Variants in TUT7 observed in about 807,000 individuals in gnomAD.
TUT7 encodes the protein terminal uridylyltransferase 7.
Under a neutral mutation model 165.9 loss-of-function variants are expected in TUT7, and 33 were observed. The observed-to-expected ratio is 0.20, with a 90% CI of 0.15 to 0.27. The LOEUF is 0.27. TUT7 is among the 10% of genes least tolerant of loss of function. The probability of loss-of-function intolerance (pLI) is 1.00; values close to 1 mark genes in which losing one functional copy is unlikely to be tolerated. For synonymous variants in TUT7, 552 were observed against 608.1 expected (o/e 0.91, Z 1.36); for missense variants, 1,338 against 1,762.3 (o/e 0.76, Z 4.31).
chr9:86,331,449 T>G (rs1013101765), intron 10 of TUT7, among the ~76,000 whole-genome samples: 15 of 152,234 alleles, frequency 9.9e-5, no homozygotes, highest in Non-Finnish European at 1.5e-5. Flanking sequence ...TGATGAAGGC[T>G]GTTAAAATCT....
intron 2 of TUT7, among the ~76,000 whole-genome samples, chr9:86,347,603 A>C (rs1024008261): frequency 6.6e-6 from 1 of 152,220 alleles, no homozygotes; most frequent in Admixed American, 6.5e-5. Flanking sequence ...AGCAGCAAGC[A>C]TTGTGCTAAA....
chr9:86,337,027 A>G (rs1486502210), intron 10 of TUT7: 1 of 158,862 alleles, frequency 6.3e-6, no homozygotes, highest in Non-Finnish European at 1.4e-5. Flanking sequence ...AGTAAGTTAC[A>G]GTGAACCAAA....
intron 18 of TUT7, 41 bp from the exon 19 acceptor site, chr9:86,310,058 T>G (rs759676319): frequency 2.0e-6 from 3 of 1,501,668 alleles, no homozygotes; most frequent in Admixed American, 2.0e-5. Flanking sequence ...AACAATGAAG[T>G]GTAAAGGGTC....
intron 22 of TUT7, among the ~76,000 whole-genome samples, chr9:86,306,781 A>G (rs1261640848): frequency 1.3e-5 from 2 of 152,180 alleles, no homozygotes; most frequent in African/African-American, 2.4e-5. Flanking sequence ...CCTGGGCGAG[A>G]CAGTGAGACT....
At chr9:86,314,196 G>A (rs1040718320) in intron 17 of TUT7, among the ~76,000 whole-genome samples, 4 of 152,056 alleles carry the variant, frequency 2.6e-5, no homozygotes, top group Non-Finnish European at 5.9e-5. Context: ...TTGCTATCTC[G>A]CCTCTAAATT....
chr9:86,352,527 C>G, intron 2 of TUT7, 153 bp downstream of exon 2: 1 of 869,082 alleles, frequency 1.2e-6, no homozygotes, highest in Non-Finnish European at 1.8e-6. Context: ...TGATTACTAT[C>G]CTTAAAATAA....
At chr9:86,318,900 T>C in intron 16 of TUT7, 58 bp downstream of exon 16, 1 of 1,377,806 alleles carries the variant, frequency 7.3e-7, no homozygotes, top group Non-Finnish European at 1.0e-6. Flanking sequence ...GTAATGCCAG[T>C]CTAGATTGGT....
chr9:86,292,467 T>TC (rs1255124492), intron 26 of TUT7, among the ~76,000 whole-genome samples: 2 of 136,386 alleles, frequency 1.5e-5, no homozygotes, highest in African/African-American at 5.7e-5. Flanking sequence ...AGACTTTGTC[T>TC]CAAAAAAAAA....
At chr9:86,303,060 AC>A in intron 25 of TUT7, 25 bp downstream of exon 25, 3 of 1,183,738 alleles carry the variant, frequency 2.5e-6, no homozygotes, top group Non-Finnish European at 3.6e-6. Flanking sequence ...TAAAAACACA[AC>A]CAACCCCTTT....
At chr9:86,306,363 C>T (rs1208715233) in intron 22 of TUT7, among the ~76,000 whole-genome samples, 1 of 152,176 alleles carries the variant, frequency 6.6e-6, no homozygotes, top group Non-Finnish European at 1.5e-5. Flanking sequence ...CTTCCTTCAG[C>T]TCAACCCTGC....
intron 22 of TUT7, among the ~76,000 whole-genome samples, chr9:86,308,173 C>A (rs970477910): frequency 6.6e-6 from 1 of 152,150 alleles, no homozygotes; most frequent in African/African-American, 2.4e-5. Context: ...TTTCTTGAAG[C>A]TGCCTTATCA....
intron 22 of TUT7, among the ~76,000 whole-genome samples, chr9:86,306,439 T>C (rs1406309858): frequency 1.3e-5 from 2 of 152,246 alleles, no homozygotes; most frequent in Non-Finnish European, 2.9e-5. Flanking sequence ...GTGATTTTTA[T>C]ATGTGTATGT....
intron 26 of TUT7, among the ~76,000 whole-genome samples, chr9:86,298,500 A>G (rs1196518059): frequency 1.3e-5 from 2 of 152,232 alleles, no homozygotes; most frequent in Non-Finnish European, 2.9e-5. Context: ...GGAACAAATA[A>G]TTGAAGACTC....
At chr9:86,339,975 A>G in intron 8 of TUT7, 61 bp downstream of exon 8, 1 of 1,280,894 alleles carries the variant, frequency 7.8e-7, no homozygotes, top group African/African-American at 1.5e-5. Flanking sequence ...AAGATGTAGT[A>G]AAGTACTTGT....
intron 2 of TUT7, among the ~76,000 whole-genome samples, chr9:86,351,498 A>G (rs1002889273): frequency 6.6e-6 from 1 of 152,228 alleles, no homozygotes; most frequent in African/African-American, 2.4e-5. Context: ...GAAAAAAGAA[A>G]AAAAATCAAG....
intron 10 of TUT7, among the ~76,000 whole-genome samples, chr9:86,334,016 T>C (rs953677370): frequency 6.6e-6 from 1 of 152,176 alleles, no homozygotes; most frequent in African/African-American, 2.4e-5. Flanking sequence ...AAACACTGTA[T>C]AGTCCTAAGA....
intron 26 of TUT7, among the ~76,000 whole-genome samples, chr9:86,299,224 A>T (rs1826657119): frequency 6.6e-6 from 1 of 152,212 alleles, no homozygotes; most frequent in Non-Finnish European, 1.5e-5. Context: ...AGTTGGTTTC[A>T]ATGGGACAGG....
rs555548999 is a variant in TUT7, at chr9:86,319,484, G to A, written c.3115+100C>T. The A allele has an allele frequency of 1.9e-5, 16 of 841,634 alleles. No individual in the cohort carries two copies. In the East Asian group the frequency reaches 3.5e-4, roughly 18 times the overall value. 52.1% of individuals were successfully genotyped at this position (841,634 alleles called of 1,614,324 possible). ...CATCCTGGGTATATTGCAAAACAAT[G>A]GAAATCCTGATTCTCAAAATCAGTG... On this transcript the variant is annotated intron_variant, in intron 15 of 26. Transcript: ENST00000375963.
Position 86,310,017 on chromosome 9 carries a change from C to A in TUT7, c.3379G>T (p.Ala1127Ser). The change falls in exon 19 of 27, where the codon GCC (alanine) becomes TCC (serine). Residue 1127 changes from alanine to serine, a missense_variant and splice_region_variant. By Grantham distance (99) the Ala-to-Ser change is moderately conservative. Around this residue, in one of 7 missense-constraint regions of TUT7, gnomAD observed 157 missense variants for 357.5 expected, o/e 0.44. Transcript: ENST00000375963. ...EVDISLYNTLALHNTRLLSAY... is the reference protein window; with the variant it reads ...EVDISLYNTLSLHNTRLLSAY... ...GATAAAAGCCTTGTGTTATGAAGGG[C>A]CTGTTAAAAGGAAAATAACACTATA... The A allele has an allele frequency of 6.2e-7, 1 of 1,611,994 alleles. No homozygotes were observed. The highest frequency in any genetic ancestry group is 8.5e-7 in the Non-Finnish European group (1 of 1,178,788).
Sources: gnomAD v4.1 joint callset for allele counts (sites outside exome capture counted in the v4.1 genomes callset) on GRCh38, gnomAD v4.1.1 for gene constraint, gnomAD v4.1.1 regional missense constraint, MANE v1.5 for transcripts, NCBI Gene and HGNC (gene_info 2026-07-23, HGNC 2026-07-21) for gene names.